The following DCDC2B variants were observed in gnomAD, a reference collection of about 807,000 sequenced individuals.
The protein encoded by DCDC2B is doublecortin domain containing 2B, also known as doublecortin domain-containing protein 2B.
Under a neutral mutation model 38.9 loss-of-function variants are expected in DCDC2B, and 41 were observed. The observed-to-expected ratio is 1.05, with a 90% confidence interval of 0.82 to 1.37. The LOEUF is 1.37. DCDC2B is among the 40% of genes most tolerant of loss of function. The pLI is 0.00. For missense variants in DCDC2B, 453 were observed against 427.2 expected, an observed-to-expected ratio of 1.06 and a Z score of -0.53; for synonymous variants, 181 against 171.9, an observed-to-expected ratio of 1.05 and a Z score of -0.41.
At chr1:32,209,577 T>C (rs1279463029) in intron 1 of DCDC2B, among the ~76,000 whole-genome samples, 1 of 152,100 alleles carries the variant, frequency 6.6e-6, no homozygotes, top group East Asian at 1.9e-4. Context: ...GAATTCTGTG[T>C]GTTACTAATG....
rs1643613508 is a variant in DCDC2B at position 32,212,166 on chromosome 1, T to C, written c.492T>C (p.Thr164=). The change falls in exon 4 of 9, where the codon ACT becomes ACC. Residue 164 remains threonine (T), a synonymous_variant. Transcript: ENST00000409358. ...GGGAAACTGTGTTGAAGCTCCTGAC[T>C]GAGAAGGTCAAGTTGCAGAGTGGGG... The part of the protein sequence containing the change: ...QDWETVLKLL[T]EKVKLQSGAV... 6.2e-7 allele frequency: 1 copy of C among 1,613,644 alleles called. No homozygotes were observed. Among genetic ancestry groups the C allele is most frequent in the Non-Finnish European group, 8.5e-7 (1 of 1,179,874 alleles).
intron 4 of DCDC2B, 90 bp from the exon 5 acceptor site, chr1:32,212,400 T>A (rs1643624402): frequency 6.4e-7 from 1 of 1,567,218 alleles, no homozygotes; most frequent in East Asian, 2.3e-5. Context: ...AGAGGGCACC[T>A]TGGAATAGCT....
chr1:32,212,449 C>T (rs759620856), intron 4 of DCDC2B, 41 bp from the exon 5 acceptor site: 6 of 1,605,344 alleles, frequency 3.7e-6, no homozygotes, highest in Middle Eastern at 1.7e-4. Context: ...GAAGAAGCAT[C>T]GAGTCTACCA....
intron 6 of DCDC2B, 80 bp from the exon 7 acceptor site, chr1:32,214,717 C>T (rs1412283865): frequency 6.4e-7 from 1 of 1,573,418 alleles, no homozygotes; most frequent in Non-Finnish European, 8.6e-7. Context: ...GCGTCAGGGG[C>T]TCTCTGAAGC....
In DCDC2B at chr1:32,209,293, A is replaced by G. The variant is rs1281247046; in HGVS notation, c.200A>G (p.Asn67Ser). The G allele has an allele frequency of 3.7e-6, 6 of 1,613,990 alleles. No individual in the cohort carries two copies. In the Admixed American group the frequency reaches 6.7e-5, roughly 18 times the overall value. The part of the protein sequence containing the change: ...YTPCHGHPVT[N>S]LADLKNRGQY... ...CCTTGTCATGGCCACCCTGTCACCA[A>G]CCTGGCAGACTTGAAGAACAGAGGG... The change falls in exon 1 of 9, where the codon AAC becomes AGC. Residue 67 changes from asparagine (N) to serine (S), a missense_variant. By Grantham distance (46) the Asn-to-Ser change is conservative. Coordinates refer to ENST00000409358, the MANE Select transcript of DCDC2B (RefSeq NM_001099434.2).
chr1:32,211,338 A>T lies in DCDC2B; in HGVS notation c.318+15A>T. The T allele has an allele frequency of 6.2e-7, 1 of 1,613,306 alleles. No individual in the cohort carries two copies. Among genetic ancestry groups the T allele is most frequent in the East Asian group, 2.2e-5 (1 of 44,868 alleles). ...GCAGACTACAAGTGAGTCCCGGGGA[A>T]CCTGTGCCCCAGCCCCTCTGTCTTC... On this transcript the variant is annotated intron_variant, in intron 2 of 8. Coordinates refer to ENST00000409358, the MANE Select transcript of DCDC2B (RefSeq NM_001099434.2).
chr1:32,209,426 C>A, intron 1 of DCDC2B, 67 bp downstream of exon 1: 4 of 1,573,438 alleles, frequency 2.5e-6, no homozygotes, highest in South Asian at 1.2e-5. Context: ...GTATTCAGTA[C>A]CTACCATGTA....
At position 32,209,281 on chromosome 1, in the gene DCDC2B, A is replaced by G. The variant is rs1380735017; in HGVS notation, c.188A>G (p.His63Arg). The change falls in exon 1 of 9, where the codon CAC (histidine) becomes CGC (arginine). Residue 63 changes from histidine to arginine, a missense_variant. By Grantham distance (29) the His-to-Arg change is conservative (BLOSUM62 0). Coordinates refer to ENST00000409358, the MANE Select transcript of DCDC2B (RefSeq NM_001099434.2). ...GCCCTCTACACACCTTGTCATGGCC[A>G]CCCTGTCACCAACCTGGCAGACTTG... ...VRALYTPCHG[H>R]PVTNLADLKN... 1 of 1,613,964 alleles carries G rather than the reference A, an allele frequency of 6.2e-7. No individual in the cohort carries two copies. Among genetic ancestry groups the G allele is most frequent in the Non-Finnish European group, 8.5e-7 (1 of 1,179,892 alleles).
In DCDC2B at chr1:32,215,873, C is replaced by T; in HGVS notation, c.1026C>T (p.Ala342=). 1 of 1,551,482 alleles carries T rather than the reference C, an allele frequency of 6.4e-7. No individual in the cohort carries two copies. Residue 342 remains alanine, a synonymous_variant, in exon 9 of 9, where the codon GCC becomes GCT. Coordinates refer to ENST00000409358, the MANE Select transcript of DCDC2B (RefSeq NM_001099434.2). ...NQPGAGAAIS[A]SAPALPS ...CTGGGGCTGGGGCTGCTATCTCAGC[C>T]TCAGCCCCAGCTCTGCCATCTTGAG... is the stretch of plus-strand genomic sequence containing the variant.
chr1:32,213,554 G>A (rs1643674226), intron 6 of DCDC2B, among the ~76,000 whole-genome samples: 1 of 145,192 alleles, frequency 6.9e-6, no homozygotes, highest in Admixed American at 7.0e-5. Flanking sequence ...TGTTGCCCAG[G>A]CTGGAATGCA....
intron 1 of DCDC2B, among the ~76,000 whole-genome samples, chr1:32,209,649 C>G (rs562979896): frequency 3.9e-4 from 60 of 152,256 alleles, no homozygotes; most frequent in African/African-American, 1.4e-3. Context: ...GGGTGAGCCC[C>G]TTTTTCCAAA....
Position 32,212,734 on chromosome 1 carries a change from CTTTCCT to C in DCDC2B, c.675-16_675-11del, listed in dbSNP as rs761656298. On this transcript the variant is annotated splice_polypyrimidine_tract_variant and intron_variant, in intron 5 of 8. Transcript: ENST00000409358. ...TCTATGCCCTCTGCCCACTACAAGC[CTTTCCT>C]TTTGTCATTGTAGGCAACCTCCAGG... 7 of 1,613,796 alleles carry C rather than the reference CTTTCCT, an allele frequency of 4.3e-6. No individual in the cohort carries two copies. In the African/African-American group the frequency reaches 9.3e-5, roughly 22 times the overall value.
chr1:32,213,975 A>T (rs1048924760), intron 6 of DCDC2B, among the ~76,000 whole-genome samples: 3 of 151,948 alleles, frequency 2.0e-5, no homozygotes, highest in African/African-American at 4.8e-5. Flanking sequence ...TTGTGAAAGA[A>T]AGATTATCCC....
Position 32,210,099 on chromosome 1 carries a change from G to A in DCDC2B, c.266+740G>A, listed in dbSNP as rs146692984. The stretch of plus-strand genomic sequence containing the variant: ...TCCCGGCACTTTGGAAGGCCAAGGC[G>A]GGCAGATCACCTGAGGTCAGGAGCT... On this transcript the variant is annotated intron_variant, in intron 1 of 8. Transcript: ENST00000409358. 2.6e-3 allele frequency among the ~76,000 whole-genome samples: 393 copies of A among 152,190 alleles called. 1 individual carries two copies. Among genetic ancestry groups the A allele is most frequent in the African/African-American group, 9.2e-3 (383 of 41,520 alleles).
At position 32,212,051 on chromosome 1, in the gene DCDC2B, A is replaced by G; in HGVS notation, c.396-19A>G. On this transcript the variant is annotated intron_variant, in intron 3 of 8. Transcript: ENST00000409358. ...GGGACTCCTGGGGACACTCCCCCTTACCAGGCTTTTTGTCTCAGTGTGTTC... is the reference window on the plus strand; with the variant it reads ...GGGACTCCTGGGGACACTCCCCCTTGCCAGGCTTTTTGTCTCAGTGTGTTC... The G allele has an allele frequency of 6.2e-7, 1 of 1,606,378 alleles. No individual in the cohort carries two copies. The highest frequency in any genetic ancestry group is 1.1e-5 in the South Asian group (1 of 90,550).
chr1:32,216,147 A>G lies in DCDC2B; in HGVS notation c.*250A>G. 1 of 703,960 alleles carries G rather than the reference A, an allele frequency of 1.4e-6. No individual in the cohort carries two copies. The highest frequency in any genetic ancestry group is 2.3e-6 in the Non-Finnish European group (1 of 432,728). The allele number at this position is 703,960 out of a possible 1,614,324, so 43.6% of individuals were successfully genotyped here. ...CTCTGGCCAGAGAAAGGAGTAGCTG[A>G]CTAAGCCTGGGAGAGGGTTTGTCAC... On this transcript the variant is annotated 3_prime_UTR_variant, in exon 9 of 9. Transcript: ENST00000409358.
chr1:32,209,662 C>T (rs1643500774), intron 1 of DCDC2B, among the ~76,000 whole-genome samples: 1 of 152,184 alleles, frequency 6.6e-6, no homozygotes, highest in South Asian at 2.1e-4. Flanking sequence ...TTTCCAAAAG[C>T]TCTTCTTGCT....
chr1:32,212,176 A>G lies in DCDC2B; in HGVS notation c.502A>G (p.Lys168Glu). ...GTTGAAGCTCCTGACTGAGAAGGTCAAGTTGCAGAGTGGGGCTGTGTGCAA... is the reference window on the plus strand; with the variant it reads ...GTTGAAGCTCCTGACTGAGAAGGTCGAGTTGCAGAGTGGGGCTGTGTGCAA... ...TVLKLLTEKV[K>E]LQSGAVCKLC... The change falls in exon 4 of 9, where the codon AAG becomes GAG. Residue 168 changes from lysine to glutamate, a missense_variant. By Grantham distance (56) the Lys-to-Glu change is moderately conservative. Coordinates refer to ENST00000409358, the MANE Select transcript of DCDC2B (RefSeq NM_001099434.2). 1 of 1,613,656 alleles carries G rather than the reference A, an allele frequency of 6.2e-7. No homozygotes were observed. Among genetic ancestry groups the G allele is most frequent in the South Asian group, 1.1e-5 (1 of 91,062 alleles).
intron 1 of DCDC2B, 41 bp downstream of exon 1, chr1:32,209,400 G>A (rs749596756): frequency 3.1e-6 from 5 of 1,605,300 alleles, no homozygotes; most frequent in East Asian, 2.2e-5. Context: ...AGCAAGGGAG[G>A]TAACGGCAAG....
Sources: gnomAD v4.1 joint callset for allele counts (sites outside exome capture counted in the v4.1 genomes callset) on GRCh38, gnomAD v4.1.1 for gene constraint, MANE v1.5 for transcripts, NCBI Gene and HGNC (gene_info 2026-07-23, HGNC 2026-07-21) for gene names.